Variants in LOXHD1 observed in about 807,000 individuals in gnomAD.
The protein encoded by LOXHD1 is lipoxygenase homology PLAT domains 1.
Under a neutral mutation model 248.2 loss-of-function variants are expected in LOXHD1, and 205 were observed. That is an observed-to-expected ratio of 0.83 (90% CI 0.74 to 0.93). The LOEUF (loss-of-function observed/expected upper bound fraction) is 0.93. Ranked by LOEUF, LOXHD1 falls within the 40% of genes least tolerant of loss-of-function variation. The pLI, the probability that LOXHD1 is intolerant of heterozygous loss-of-function variation, is 0.00. For missense variants in LOXHD1, 2,930 were observed against 2,971.6 expected (o/e 0.99, Z 0.33); for synonymous variants, 1,113 against 1,162.8 (o/e 0.96, Z 0.87).
intron 14 of LOXHD1, among the ~76,000 whole-genome samples, chr18:46,577,158 C>T (rs2144130305): frequency 6.6e-6 from 1 of 152,276 alleles, no homozygotes; most frequent in East Asian, 1.9e-4. Flanking sequence ...ATGAAAAACA[C>T]TGGTATTGCT....
At position 46,521,192 on chromosome 18, in the gene LOXHD1, T is replaced by C; in HGVS notation, c.5176A>G (p.Asn1726Asp). 6.4e-7 allele frequency: 1 copy of C among 1,551,714 alleles called. No individual in the cohort carries two copies. Among genetic ancestry groups the C allele is most frequent in the Non-Finnish European group, 8.7e-7 (1 of 1,147,002 alleles). The stretch of plus-strand genomic sequence containing the variant: ...TCCTTGGCCAGCCAGCAGTTACAGT[T>C]CAACATGTACTTGGTGCCCTGGGTG... ...VPTQGTKYMLNCNCWLAKDRG... is the reference protein window; with the variant it reads ...VPTQGTKYMLDCNCWLAKDRG... The change falls in exon 33 of 41, where the codon AAC becomes GAC. Residue 1726 changes from asparagine (N) to aspartate (D), a missense_variant. By Grantham distance (23) the Asn-to-Asp change is conservative. Transcript: ENST00000642948.
chr18:46,533,679 T>C, intron 27 of LOXHD1: 1 of 331,340 alleles, frequency 3.0e-6, no homozygotes, highest in Non-Finnish European at 5.9e-6. Flanking sequence ...ATCTCAGCAC[T>C]TTGAGAGGCC....
intron 34 of LOXHD1, among the ~76,000 whole-genome samples, chr18:46,514,164 C>T (rs1454360572): frequency 1.3e-5 from 2 of 152,168 alleles, no homozygotes; most frequent in African/African-American, 2.4e-5. Context: ...GATTCTAAGT[C>T]TCTGCTATTC....
chr18:46,577,629 T>A, intron 14 of LOXHD1, 78 bp downstream of exon 14: 1 of 1,475,472 alleles, frequency 6.8e-7, no homozygotes. Context: ...CTGGTCATGG[T>A]AGTAGGGCTG....
Position 46,522,246 on chromosome 18 carries a change from G to C in LOXHD1, c.4940C>G (p.Ala1647Gly). ...KHKDAATDSR[A>G]FIFLIGEDDE... ...ATCCTCCCCGATGAGAAAGATGAAG[G>C]CTCGGCTGTCAGTGGCCGCGTCCTT... The change falls in exon 32 of 41, where the codon GCC becomes GGC. Residue 1647 changes from alanine to glycine, a missense_variant. Ala to Gly is a moderately conservative substitution (Grantham distance 60, BLOSUM62 0). Transcript: ENST00000642948. 6.4e-7 allele frequency: 1 copy of C among 1,551,854 alleles called. No individual in the cohort carries two copies. Among genetic ancestry groups the C allele is most frequent in the Non-Finnish European group, 8.7e-7 (1 of 1,147,028 alleles).
At chr18:46,576,186 T>C (rs1448382222) in intron 14 of LOXHD1, among the ~76,000 whole-genome samples, 1 of 152,206 alleles carries the variant, frequency 6.6e-6, no homozygotes, top group Non-Finnish European at 1.5e-5. Context: ...AGTAAGTATA[T>C]AGTAGGTATA....
intron 1 of LOXHD1, among the ~76,000 whole-genome samples, chr18:46,654,596 G>A (rs759215869): frequency 1.3e-5 from 2 of 152,220 alleles, no homozygotes; most frequent in Admixed American, 6.5e-5. Context: ...TAGCCAGAAG[G>A]TAGCCTAAGA....
chr18:46,502,729 C>T (rs1351878408), intron 37 of LOXHD1, among the ~76,000 whole-genome samples: 1 of 152,154 alleles, frequency 6.6e-6, no homozygotes, highest in African/African-American at 2.4e-5. Flanking sequence ...CTATATTCTC[C>T]ACTCTCACCC....
rs573757668 is a variant in LOXHD1, at chr18:46,519,596, G to C, written c.5272-1340C>G. On this transcript the variant is annotated intron_variant, in intron 33 of 40. Coordinates refer to ENST00000642948, the MANE Select transcript of LOXHD1 (RefSeq NM_001384474.1). ...CAAGGGCATTCATGATGGGCAGGAGGAGCCACTGGGAACAAAAGTGCGAGC... is the reference window on the plus strand; with the variant it reads ...CAAGGGCATTCATGATGGGCAGGAGCAGCCACTGGGAACAAAAGTGCGAGC... Among the ~76,000 whole-genome samples, 3 of 152,222 alleles carry C rather than the reference G, an allele frequency of 2.0e-5. No individual in the cohort carries two copies. The East Asian group carries it at 5.8e-4, about 29-fold the overall frequency.
Position 46,569,522 on chromosome 18 carries a change from C to G in LOXHD1, c.2164G>C (p.Val722Leu), listed in dbSNP as rs751402918. 5.8e-6 allele frequency: 9 copies of G among 1,551,948 alleles called. No homozygotes were observed. The highest frequency in any genetic ancestry group is 3.6e-5 in the South Asian group (3 of 84,068). ...KSDTIKQVLL[V>L]SDNNLKDYFE... ...TAGTCTTTGAGGTTGTTGTCAGAGACAAGAAGAACTTGCTTGATGGTGTCA... is the reference window on the plus strand; with the variant it reads ...TAGTCTTTGAGGTTGTTGTCAGAGAGAAGAAGAACTTGCTTGATGGTGTCA... The change falls in exon 16 of 41, where the codon GTC (valine) becomes CTC (leucine). Residue 722 changes from valine (V) to leucine (L), a missense_variant. Physicochemically the swap from Val to Leu is conservative, Grantham distance 32 (BLOSUM62 1). Coordinates refer to ENST00000642948, the MANE Select transcript of LOXHD1 (RefSeq NM_001384474.1).
At chr18:46,593,558 CT>C in intron 10 of LOXHD1, 41 bp downstream of exon 10, 1 of 1,546,946 alleles carries the variant, frequency 6.5e-7, no homozygotes, top group Non-Finnish European at 8.8e-7. Context: ...CCCTACATCC[CT>C]TCCTCCTTTC....
intron 4 of LOXHD1, among the ~76,000 whole-genome samples, chr18:46,633,141 G>A (rs994411705): frequency 2.0e-5 from 3 of 152,186 alleles, no homozygotes; most frequent in African/African-American, 4.8e-5. Context: ...TAAAAGAAGT[G>A]ACCTATCAAG....
chr18:46,592,567 A>G lies in LOXHD1; in HGVS notation c.1449T>C (p.Leu483=), dbSNP rs2144235768. ...IEKFRIELPD[L]GRFYKIRVWH... ...ATACTCGAATCTTATAAAACCTGCC[A>G]AGATCCGGGAGCTCAATCTATGGTG... is the stretch of plus-strand genomic sequence containing the variant. The change falls in exon 11 of 41, where the codon CTT becomes CTC. Residue 483 remains leucine (L), a synonymous_variant. Transcript: ENST00000642948. 3 of 1,551,644 alleles carry G rather than the reference A, an allele frequency of 1.9e-6. No homozygotes were observed. Among genetic ancestry groups the G allele is most frequent in the Non-Finnish European group, 2.6e-6 (3 of 1,146,932 alleles).
At position 46,559,449 on chromosome 18, in the gene LOXHD1, T is replaced by C; in HGVS notation, c.3215A>G (p.Gln1072Arg). ...AGGGGCCAGAGACCCTCACCCTACC[T>C]GCCCCTGCTCAAATTTGTTGGACTT... is the stretch of plus-strand genomic sequence containing the variant. ...SDKSNKFEQGQTDTFTIYAID... is the reference protein window; with the variant it reads ...SDKSNKFEQGRTDTFTIYAID... The change falls in exon 20 of 41, where the codon CAG becomes CGG. Residue 1072 changes from glutamine to arginine, a missense_variant and splice_region_variant. Transcript: ENST00000642948. 6.4e-7 allele frequency: 1 copy of C among 1,552,020 alleles called. No homozygotes were observed. The highest frequency in any genetic ancestry group is 8.7e-7 in the Non-Finnish European group (1 of 1,147,046).
In LOXHD1 at chr18:46,649,125, G is replaced by T. The variant is rs546596031; in HGVS notation, c.245+30C>A. Reference sequence around the variant, plus strand: ...CCTAATCAACAGGACTAATGGCCCAGGATCCCACCAAGGCCAAGTGGGTAC... The same window carrying T: ...CCTAATCAACAGGACTAATGGCCCATGATCCCACCAAGGCCAAGTGGGTAC... On this transcript the variant is annotated intron_variant, in intron 2 of 40. Transcript: ENST00000642948. 1.1e-4 allele frequency: 173 copies of T among 1,533,970 alleles called. 2 individuals carry two copies. The South Asian group carries it at 1.9e-3, about 16-fold the overall frequency.
rs761918227 is a variant in LOXHD1, at chr18:46,592,040, T to C, written c.1547A>G (p.Asp516Gly). The C allele has an allele frequency of 6.4e-6, 10 of 1,552,176 alleles. No homozygotes were observed. In the South Asian group the frequency reaches 1.1e-4, roughly 17 times the overall value. ...GCGGTTGCAATTGAAGTTGTACTTG[T>C]CTTTGTTCAGAGTGTTCATCAGGGT... is the stretch of plus-strand genomic sequence containing the variant. ...RMTLMNTLNK[D>G]KYNFNCNRWL... The change falls in exon 12 of 41, where the codon GAC becomes GGC. Residue 516 changes from aspartate (D) to glycine (G), a missense_variant. By Grantham distance (94) the Asp-to-Gly change is moderately conservative. Transcript: ENST00000642948.
Position 46,546,780 on chromosome 18 carries a change from C to A in LOXHD1, c.3514+115G>T, listed in dbSNP as rs2036859482. 5.2e-5 allele frequency: 64 copies of A among 1,223,568 alleles called. No individual in the cohort carries two copies. The South Asian group carries it at 9.5e-4, about 18-fold the overall frequency. 75.8% of individuals were successfully genotyped at this position (1,223,568 alleles called of 1,614,324 possible). ...ATGAGAGGGCAATACAATAGACTGT[C>A]AAGGGAGGAAGTTCCCAGAGCCCAC... is the stretch of plus-strand genomic sequence containing the variant. On this transcript the variant is annotated intron_variant, in intron 22 of 40. Coordinates refer to ENST00000642948, the MANE Select transcript of LOXHD1 (RefSeq NM_001384474.1).
At chr18:46,646,200 C>T (rs1360833660) in intron 2 of LOXHD1, among the ~76,000 whole-genome samples, 3 of 152,042 alleles carry the variant, frequency 2.0e-5, no homozygotes, top group Non-Finnish European at 4.4e-5. Flanking sequence ...CAGTGAGGTG[C>T]GAGGAGACTG....
intron 39 of LOXHD1, 65 bp from the exon 40 acceptor site, chr18:46,483,810 G>A (rs566267445): frequency 8.0e-6 from 12 of 1,508,962 alleles, no homozygotes; most frequent in African/African-American, 2.8e-5. Flanking sequence ...AGCATTTGTC[G>A]GGGGCCTGCT....
Sources: gnomAD v4.1 joint callset for allele counts (sites outside exome capture counted in the v4.1 genomes callset) on GRCh38, gnomAD v4.1.1 for gene constraint, MANE v1.5 for transcripts, NCBI Gene and HGNC (gene_info 2026-07-23, HGNC 2026-07-21) for gene names.